The following OSBPL3 variants were observed in gnomAD, a reference collection of about 807,000 sequenced individuals.
OSBPL3 encodes the protein oxysterol-binding protein-related protein 3.
OSBPL3 carries 65 observed loss-of-function variants against 120.1 expected under a neutral mutation model. The ratio of observed to expected loss-of-function variants is 0.54; its 90% CI spans 0.44 to 0.67. The LOEUF (loss-of-function observed/expected upper bound fraction) is 0.67, where lower values mean the gene tolerates loss of function less well. Ranked by LOEUF, OSBPL3 falls within the 30% of genes least tolerant of loss-of-function variation. The pLI is 0.00. For missense variants in OSBPL3, 1,004 were observed against 1,082.1 expected (o/e 0.93, Z 1.01); for synonymous variants, 416 against 402.6 (o/e 1.03, Z -0.40).
At chr7:24,839,017 T>C (rs1021667876) in intron 14 of OSBPL3, among the ~76,000 whole-genome samples, 1 of 152,226 alleles carries the variant, frequency 6.6e-6, no homozygotes, top group Non-Finnish European at 1.5e-5. Flanking sequence ...TTCCAAAGCA[T>C]GGTAAAATTA....
At position 24,803,846 on chromosome 7, in the gene OSBPL3, C is replaced by T. The variant is rs1027994691; in HGVS notation, c.2567+469G>A. Among the ~76,000 whole-genome samples, 28 of 152,120 alleles carry T rather than the reference C, an allele frequency of 1.8e-4. No individual in the cohort carries two copies. The highest frequency in any genetic ancestry group is 5.2e-4 in the Admixed American group (8 of 15,264). On this transcript the variant is annotated intron_variant, in intron 22 of 22. Transcript: ENST00000313367. The surrounding 1 kb of genome is among the most constrained non-coding windows in gnomAD (Gnocchi z 4.2). Reference sequence around the variant, plus strand: ...TTTTAAAGATAACAGTAAATGTAAGCCCAAGTGTACTGGAACTTCTACAAT... The same window carrying T: ...TTTTAAAGATAACAGTAAATGTAAGTCCAAGTGTACTGGAACTTCTACAAT...
At chr7:24,812,662 G>C (rs898060860) in intron 19 of OSBPL3, among the ~76,000 whole-genome samples, 3 of 152,242 alleles carry the variant, frequency 2.0e-5, no homozygotes, top group African/African-American at 7.2e-5. Flanking sequence ...ACTATTTTCA[G>C]CTTAAACAGA....
rs1315043823 is a variant in OSBPL3 at position 24,916,512 on chromosome 7, T to A, written c.-149-23891A>T. Among the ~76,000 whole-genome samples the A allele has an allele frequency of 6.6e-6, 1 of 152,158 alleles. No individual in the cohort carries two copies. Among genetic ancestry groups the A allele is most frequent in the Non-Finnish European group, 1.5e-5 (1 of 68,046 alleles). ...ACAGCAATTACCTTTCTGGCTTGCA[T>A]GGTTCTTTTTCCATTTGTTCACCTG... On this transcript the variant is annotated intron_variant, in intron 1 of 22. Coordinates refer to ENST00000313367, the MANE Select transcript of OSBPL3 (RefSeq NM_015550.4). The surrounding 1 kb of genome is among the most constrained non-coding windows in gnomAD (Gnocchi z 4.9).
chr7:24,879,514 C>G lies in OSBPL3; in HGVS notation c.97-7445G>C, dbSNP rs1000307786. On this transcript the variant is annotated intron_variant, in intron 2 of 22. Coordinates refer to ENST00000313367, the MANE Select transcript of OSBPL3 (RefSeq NM_015550.4). This position sits in a 1 kb window ranked among gnomAD's most constrained non-coding sequence, Gnocchi z 5.6. ...CCCCAGAATGTTTCAAGTCTTACTA[C>G]TTGGTTAGCCACAGACCAAAAACAC... is the stretch of plus-strand genomic sequence containing the variant. Among the ~76,000 whole-genome samples the G allele has an allele frequency of 1.3e-5, 2 of 152,162 alleles. No individual in the cohort carries two copies. The highest frequency in any genetic ancestry group is 4.8e-5 in the African/African-American group (2 of 41,434).
At chr7:24,950,716 C>T (rs565750881) in intron 1 of OSBPL3, among the ~76,000 whole-genome samples, 21 of 152,122 alleles carry the variant, frequency 1.4e-4, no homozygotes, top group Admixed American at 6.5e-4. Context: ...AGTGAGACTC[C>T]GTCTCAAAAA....
chr7:24,946,353 G>A lies in OSBPL3; in HGVS notation c.-150+33533C>T, dbSNP rs1813730468. ...TTTTGCCGTACTTTTATTGGTTGGA[G>A]CAGACACAAACCAACTCGTATTTAA... On this transcript the variant is annotated intron_variant, in intron 1 of 22. Transcript: ENST00000313367. This position sits in a 1 kb window ranked among gnomAD's most constrained non-coding sequence, Gnocchi z 4.3. 6.6e-6 allele frequency among the ~76,000 whole-genome samples: 1 copy of A among 152,116 alleles called. No homozygotes were observed. Among genetic ancestry groups the A allele is most frequent in the Admixed American group, 6.5e-5 (1 of 15,280 alleles).
intron 1 of OSBPL3, among the ~76,000 whole-genome samples, chr7:24,973,503 TACAA>T (rs1043307859): frequency 7.9e-5 from 12 of 152,154 alleles, no homozygotes; most frequent in African/African-American, 2.4e-4. Context: ...ATTTCAGGGG[TACAA>T]ACAATGTGGC....
chr7:24,956,136 G>GT (rs1433709901), intron 1 of OSBPL3, among the ~76,000 whole-genome samples: 2 of 152,268 alleles, frequency 1.3e-5, no homozygotes, highest in East Asian at 3.8e-4. Context: ...ACATCTGGAT[G>GT]TGAACGCAGT....
intron 1 of OSBPL3, among the ~76,000 whole-genome samples, chr7:24,945,538 G>A (rs566651075): frequency 7.9e-5 from 12 of 152,344 alleles, no homozygotes; most frequent in East Asian, 1.9e-4. Flanking sequence ...CATCCTGCAC[G>A]AAGGGCAGTA....
At chr7:24,876,004 G>T (rs990961666) in intron 2 of OSBPL3, among the ~76,000 whole-genome samples, 3 of 152,100 alleles carry the variant, frequency 2.0e-5, no homozygotes, top group South Asian at 2.1e-4. Context: ...ATATTTTCTT[G>T]TAAGTAAGTC....
Position 24,940,003 on chromosome 7 carries a change from A to T in OSBPL3, c.-150+39883T>A, listed in dbSNP as rs982692937. Reference sequence around the variant, plus strand: ...ATGTATCCCAGAACTAAAAGAAAGAAAGAAAAATAAATACATAAATAAATA... The same window carrying T: ...ATGTATCCCAGAACTAAAAGAAAGATAGAAAAATAAATACATAAATAAATA... On this transcript the variant is annotated intron_variant, in intron 1 of 22. Transcript: ENST00000313367. This position sits in a 1 kb window ranked among gnomAD's most constrained non-coding sequence, Gnocchi z 4.4. 4.6e-5 allele frequency among the ~76,000 whole-genome samples: 7 copies of T among 152,178 alleles called. No individual in the cohort carries two copies. The highest frequency in any genetic ancestry group is 1.5e-5 in the Non-Finnish European group (1 of 68,034).
intron 12 of OSBPL3, among the ~76,000 whole-genome samples, chr7:24,845,690 C>T (rs60301828): frequency 0.014 from 2,168 of 150,298 alleles, 30 homozygotes; most frequent in African/African-American, 0.042. Flanking sequence ...AATCAACATT[C>T]CTTTTGCAAT....
At position 24,871,898 on chromosome 7, in the gene OSBPL3, G is replaced by A. The variant is rs575042848; in HGVS notation, c.213+55C>T. ...TTAAATATGAGTACCTAAGAACCAG[G>A]TGCTGAGTGGGGCAGTGTGAGTGCA... On this transcript the variant is annotated intron_variant, in intron 3 of 22. Coordinates refer to ENST00000313367, the MANE Select transcript of OSBPL3 (RefSeq NM_015550.4). This position sits in a 1 kb window ranked among gnomAD's most constrained non-coding sequence, Gnocchi z 4.8. The A allele has an allele frequency of 6.8e-7, 1 of 1,470,790 alleles. No homozygotes were observed. Among genetic ancestry groups the A allele is most frequent in the African/African-American group, 1.4e-5 (1 of 72,084 alleles). 91.1% of individuals were successfully genotyped at this position (1,470,790 alleles called of 1,614,324 possible).
intron 1 of OSBPL3, among the ~76,000 whole-genome samples, chr7:24,974,673 A>G (rs1817384705): frequency 6.6e-6 from 1 of 152,236 alleles, no homozygotes; most frequent in African/African-American, 2.4e-5. Context: ...ATAAAAAGGA[A>G]TGAAGTACTG....
rs1388907609 is a variant in OSBPL3, at chr7:24,936,711, G to C, written c.-150+43175C>G. On this transcript the variant is annotated intron_variant, in intron 1 of 22. Transcript: ENST00000313367. This position sits in a 1 kb window ranked among gnomAD's most constrained non-coding sequence, Gnocchi z 4.2. ...GGGCCTGCTGGAGAACAGGTATGTA[G>C]AAGTTAGGGAAGATGTGAAGGGATA... Among the ~76,000 whole-genome samples, 1 of 152,204 alleles carries C rather than the reference G, an allele frequency of 6.6e-6. No homozygotes were observed. The highest frequency in any genetic ancestry group is 1.5e-5 in the Non-Finnish European group (1 of 68,034).
chr7:24,969,111 T>A (rs533838296), intron 1 of OSBPL3, among the ~76,000 whole-genome samples: 8 of 152,258 alleles, frequency 5.3e-5, no homozygotes, highest in Admixed American at 2.0e-4. Flanking sequence ...TACATTTCCA[T>A]CCACGATGTA....
At chr7:24,931,610 T>C (rs1039283461) in intron 1 of OSBPL3, among the ~76,000 whole-genome samples, 5 of 152,182 alleles carry the variant, frequency 3.3e-5, no homozygotes, top group African/African-American at 1.2e-4. Context: ...ACAATGCCCG[T>C]TGACACCTGA....
Position 24,799,316 on chromosome 7 carries a change from C to G in OSBPL3, c.*867G>C, listed in dbSNP as rs1792033301. The G allele has an allele frequency of 6.6e-6, 1 of 152,378 alleles. No individual in the cohort carries two copies. Among genetic ancestry groups the G allele is most frequent in the South Asian group, 2.1e-4 (1 of 4,830 alleles). The allele number at this position is 152,378 out of a possible 1,614,324, so 9.4% of individuals were successfully genotyped here. A position where few individuals can be genotyped will look rare whatever the true frequency, so the allele number is the denominator to read the frequency against. On this transcript the variant is annotated 3_prime_UTR_variant, in exon 23 of 23. Coordinates refer to ENST00000313367, the MANE Select transcript of OSBPL3 (RefSeq NM_015550.4). The surrounding 1 kb of genome is among the most constrained non-coding windows in gnomAD (Gnocchi z 5.3). ...TTATATTAAACTGGGACATTCCATA[C>G]TCAACAGGGAGGTGATCAAACGGAG...
intron 1 of OSBPL3, among the ~76,000 whole-genome samples, chr7:24,924,483 T>C (rs1335534006): frequency 6.6e-6 from 1 of 152,226 alleles, no homozygotes; most frequent in African/African-American, 2.4e-5. Flanking sequence ...ATTGCTATGA[T>C]ACCCAGTACG....
Sources: allele counts gnomAD v4.1 joint callset (sites outside exome capture counted in the v4.1 genomes callset), GRCh38; gene constraint gnomAD v4.1.1; non-coding constraint Gnocchi (gnomAD v3.1); transcripts MANE v1.5; gene names NCBI Gene and HGNC (gene_info 2026-07-23, HGNC 2026-07-21).